Variants in TOGARAM1 observed in about 807,000 individuals in gnomAD.
TOGARAM1 encodes the protein TOG array regulator of axonemal microtubules protein 1.
A neutral mutation model predicts 166.6 loss-of-function variants in TOGARAM1; 100 were observed. The observed-to-expected ratio is 0.60, with a 90% CI of 0.51 to 0.71. The LOEUF (loss-of-function observed/expected upper bound fraction) is 0.71, where lower values mean the gene tolerates loss of function less well. Among genes scored for constraint, TOGARAM1 ranks in the 30% least tolerant of loss-of-function variants. TOGARAM1 has a pLI of 0.00. For missense variants in TOGARAM1, 2,029 were observed against 2,102.7 expected (o/e 0.96, Z 0.69); for synonymous variants, 758 against 763.8 (o/e 0.99, Z 0.13).
chr14:45,036,401 A>G (rs1185523848), intron 11 of TOGARAM1, among the ~76,000 whole-genome samples: 1 of 152,214 alleles, frequency 6.6e-6, no homozygotes, highest in Non-Finnish European at 1.5e-5. Flanking sequence ...AGACCCAACT[A>G]TATGCTACCT....
chr14:44,992,644 G>A (rs1887206557), intron 1 of TOGARAM1, among the ~76,000 whole-genome samples: 1 of 114,000 alleles, frequency 8.8e-6, no homozygotes, highest in African/African-American at 3.5e-5. Context: ...TTTGAGATGA[G>A]TCTCCCTCTG....
rs561687777 is a variant in TOGARAM1, at chr14:45,064,083, AC to A, written c.4560-2489del. On this transcript the variant is annotated intron_variant, in intron 16 of 19. Coordinates refer to ENST00000361462, the MANE Select transcript of TOGARAM1 (RefSeq NM_001308120.2). ...AGTAATTTTCTATCCACTGACCCCC[AC>A]CCCCCGCTCTGGTTGTGGGCCATAA... Among the ~76,000 whole-genome samples the A allele has an allele frequency of 8.9e-4, 133 of 150,134 alleles. No individual in the cohort carries two copies. The Middle Eastern group carries it at 0.014, about 16-fold the overall frequency.
chr14:44,983,456 T>G (rs1243529550), intron 1 of TOGARAM1, among the ~76,000 whole-genome samples: 1 of 152,170 alleles, frequency 6.6e-6, no homozygotes, highest in Admixed American at 6.5e-5. Flanking sequence ...AAAATACAGA[T>G]TCTGATTTAG....
chr14:45,038,414 C>T (rs1411806359), intron 11 of TOGARAM1, among the ~76,000 whole-genome samples: 5 of 152,178 alleles, frequency 3.3e-5, no homozygotes, highest in Non-Finnish European at 5.9e-5. Flanking sequence ...CACAGAGCGG[C>T]GAGGGGTGCA....
chr14:45,015,161 G>A lies in TOGARAM1; in HGVS notation c.3238+3086G>A, dbSNP rs1056727451. Among the ~76,000 whole-genome samples, 7 of 151,764 alleles carry A rather than the reference G, an allele frequency of 4.6e-5. No homozygotes were observed. The South Asian group carries it at 6.3e-4, about 14-fold the overall frequency. Reference sequence around the variant, plus strand: ...TCTATCAAAAAAATTAAAAAGTAGCGGAGAATGGTGGCGTGCGCCTGTAGT... The same window carrying A: ...TCTATCAAAAAAATTAAAAAGTAGCAGAGAATGGTGGCGTGCGCCTGTAGT... On this transcript the variant is annotated intron_variant, in intron 7 of 19. Coordinates refer to ENST00000361462, the MANE Select transcript of TOGARAM1 (RefSeq NM_001308120.2).
intron 1 of TOGARAM1, among the ~76,000 whole-genome samples, chr14:44,969,062 A>G (rs1010636301): frequency 6.6e-6 from 1 of 151,236 alleles, no homozygotes; most frequent in African/African-American, 2.4e-5. Flanking sequence ...TATGCATTTA[A>G]GTTTCCTTTA....
intron 13 of TOGARAM1, among the ~76,000 whole-genome samples, chr14:45,045,523 G>A (rs1303874719): frequency 9.3e-6 from 1 of 107,454 alleles, no homozygotes; most frequent in African/African-American, 3.5e-5. Context: ...TGGCAGAGTA[G>A]TATTCCATGG....
intron 1 of TOGARAM1, among the ~76,000 whole-genome samples, chr14:44,967,925 A>T (rs1885648181): frequency 6.6e-6 from 1 of 151,914 alleles, no homozygotes; most frequent in African/African-American, 2.4e-5. Flanking sequence ...GGTAGTGATG[A>T]TTTTTTTTAA....
At chr14:45,027,801 C>T (rs1594670848) in intron 9 of TOGARAM1, among the ~76,000 whole-genome samples, 3 of 151,266 alleles carry the variant, frequency 2.0e-5, no homozygotes, top group East Asian at 1.9e-4. Context: ...CTCGGACGGT[C>T]GGACTTGAGC....
chr14:44,974,215 T>C (rs1886057548), intron 1 of TOGARAM1, among the ~76,000 whole-genome samples: 1 of 152,020 alleles, frequency 6.6e-6, no homozygotes, highest in African/African-American at 2.4e-5. Flanking sequence ...GGCTTTTTTC[T>C]TTCAGTTTTG....
chr14:45,060,602 T>C (rs756447030), intron 16 of TOGARAM1, among the ~76,000 whole-genome samples: 1 of 152,162 alleles, frequency 6.6e-6, no homozygotes, highest in Non-Finnish European at 1.5e-5. Context: ...TCTCATAAGA[T>C]CCTGGATCAG....
chr14:44,971,344 G>A (rs1885875007), intron 1 of TOGARAM1, among the ~76,000 whole-genome samples: 1 of 152,102 alleles, frequency 6.6e-6, no homozygotes, highest in African/African-American at 2.4e-5. Flanking sequence ...TAAGCATAGA[G>A]TTGTTAATAG....
Position 44,963,479 on chromosome 14 carries a change from A to T in TOGARAM1, c.1058A>T (p.Gln353Leu). The change falls in exon 1 of 20, where the codon CAG becomes CTG. Residue 353 changes from glutamine (Q) to leucine (L), a missense_variant. Transcript: ENST00000361462. ...AATCTTAAATTTGGGATTATTCCTC[A>T]GGAGCTGCATTCACGATTATTGGAT... Reference protein sequence around the residue: ...NSNLKFGIIPQELHSRLLDQE... With the variant: ...NSNLKFGIIPLELHSRLLDQE... 1 of 1,614,230 alleles carries T rather than the reference A, an allele frequency of 6.2e-7. No homozygotes were observed. The highest frequency in any genetic ancestry group is 1.1e-5 in the South Asian group (1 of 91,082).
intron 11 of TOGARAM1, among the ~76,000 whole-genome samples, chr14:45,036,749 A>G (rs554004041): frequency 5.6e-4 from 85 of 152,342 alleles, no homozygotes; most frequent in Admixed American, 1.8e-3. Flanking sequence ...CAATTTTCTT[A>G]GAAGCTCATT....
intron 1 of TOGARAM1, among the ~76,000 whole-genome samples, chr14:44,977,383 C>T (rs1221535109): frequency 3.3e-5 from 5 of 150,400 alleles, no homozygotes; most frequent in Admixed American, 1.3e-4. Flanking sequence ...TACAGGCACC[C>T]GCCACCATGC....
intron 14 of TOGARAM1, among the ~76,000 whole-genome samples, chr14:45,047,708 G>T (rs1445630792): frequency 6.6e-6 from 1 of 152,036 alleles, no homozygotes; most frequent in Non-Finnish European, 1.5e-5. Flanking sequence ...ATAAAATTAG[G>T]AAGGGTGGAC....
rs1438800153 is a variant in TOGARAM1, at chr14:44,995,809, G to C, written c.2110G>C (p.Asp704His). The change falls in exon 2 of 20, where the codon GAT becomes CAT. Residue 704 changes from aspartate (D) to histidine (H), a missense_variant. By Grantham distance (81) the Asp-to-His change is moderately conservative (BLOSUM62 -1). This residue lies in a region of TOGARAM1 where 1,453 missense variants were observed against 1,432.2 expected (regional missense o/e 1.01). Coordinates refer to ENST00000361462, the MANE Select transcript of TOGARAM1 (RefSeq NM_001308120.2). ...LKLSQGMPVNDDLCFSRKRVS... is the reference protein window; with the variant it reads ...LKLSQGMPVNHDLCFSRKRVS... ...GCTTTCTCAAGGAATGCCAGTCAAT[G>C]ATGATTTATGTTTTAGCAGAAAAAG... 1 of 1,606,410 alleles carries C rather than the reference G, an allele frequency of 6.2e-7. No homozygotes were observed. Among genetic ancestry groups the C allele is most frequent in the African/African-American group, 1.3e-5 (1 of 74,680 alleles).
chr14:45,044,842 G>C lies in TOGARAM1; in HGVS notation c.4126G>C (p.Val1376Leu), dbSNP rs372310960. 4.5e-5 allele frequency: 73 copies of C among 1,612,800 alleles called. No homozygotes were observed. Among genetic ancestry groups the C allele is most frequent in the South Asian group, 7.7e-5 (7 of 90,686 alleles). ...TAATAATGTAACTCCTGCACGTGCA[G>C]TTGTTTCTCTTATCAATGGTGGACA... Reference protein sequence around the residue: ...MVNNVTPARAVVSLINGGQSH... With the variant: ...MVNNVTPARALVSLINGGQSH... The change falls in exon 13 of 20, where the codon GTT (valine) becomes CTT (leucine). Residue 1376 changes from valine (V) to leucine (L), a missense_variant. Physicochemically the swap from Val to Leu is conservative, Grantham distance 32. This residue lies in a region of TOGARAM1 where 576 missense variants were observed against 670.5 expected (regional missense o/e 0.86). Transcript: ENST00000361462.
At position 45,061,019 on chromosome 14, in the gene TOGARAM1, C is replaced by G. The variant is rs186308821; in HGVS notation, c.4560-5559C>G. ...TTTATCCACCACTGAGAGATTTTGC[C>G]TACAGCAATTAGTACATGGTTTTTT... On this transcript the variant is annotated intron_variant, in intron 16 of 19. Transcript: ENST00000361462. Among the ~76,000 whole-genome samples, 136 of 152,264 alleles carry G rather than the reference C, an allele frequency of 8.9e-4. 1 individual carries two copies. Among genetic ancestry groups the G allele is most frequent in the African/African-American group, 3.0e-3 (124 of 41,564 alleles).
Sources: gnomAD v4.1 joint callset for allele counts (sites outside exome capture counted in the v4.1 genomes callset) on GRCh38, gnomAD v4.1.1 for gene constraint, gnomAD v4.1.1 regional missense constraint, MANE v1.5 for transcripts, NCBI Gene and HGNC (gene_info 2026-07-23, HGNC 2026-07-21) for gene names.